Variants in OGFR observed in about 807,000 individuals in gnomAD.
OGFR encodes opioid growth factor receptor.
OGFR carries 18 observed loss-of-function variants against 33.6 expected under a neutral mutation model. The ratio of observed to expected loss-of-function variants is 0.54; its 90% CI spans 0.37 to 0.80. The LOEUF (loss-of-function observed/expected upper bound fraction) is 0.80, where lower values mean the gene tolerates loss of function less well. Ranked by LOEUF, OGFR falls within the 30% of genes least tolerant of loss-of-function variation. The probability of loss-of-function intolerance (pLI) is 0.00; values close to 1 mark genes in which losing one functional copy is unlikely to be tolerated. For synonymous variants in OGFR, 370 were observed against 400.7 expected (o/e 0.92, Z 0.91); for missense variants, 877 against 955.8 (o/e 0.92, Z 1.09).
Position 62,811,626 on chromosome 20 carries a change from T to TGGGGCCCCCCCCCC in OGFR, c.614+16_614+17insGGGGCCCCCCCCCC. ...ACCTGAACTGGTGAGGCCCGGCTGC[T>TGGGGCCCCCCCCCC]CCCGCCCACCCCCACCCCGGCGCAG... On this transcript the variant is annotated intron_variant, in intron 6 of 6. Coordinates refer to ENST00000290291, the MANE Select transcript of OGFR (RefSeq NM_007346.4). The TGGGGCCCCCCCCCC allele has an allele frequency of 6.7e-7, 1 of 1,502,528 alleles. No homozygotes were observed. 93.1% of individuals were successfully genotyped at this position (1,502,528 alleles called of 1,614,324 possible). A position where few individuals can be genotyped will look rare whatever the true frequency, so the allele number is the denominator to read the frequency against.
In OGFR at chr20:62,812,160, G is replaced by T. The variant is rs1990741377; in HGVS notation, c.615-70G>T. 3 of 1,369,598 alleles carry T rather than the reference G, an allele frequency of 2.2e-6. No individual in the cohort carries two copies. The Middle Eastern group carries it at 5.7e-4, about 260-fold the overall frequency. The allele number at this position is 1,369,598 out of a possible 1,614,324, so 84.8% of individuals were successfully genotyped here. A position where few individuals can be genotyped will look rare whatever the true frequency, so the allele number is the denominator to read the frequency against. On this transcript the variant is annotated intron_variant, in intron 6 of 6. Coordinates refer to ENST00000290291, the MANE Select transcript of OGFR (RefSeq NM_007346.4). ...CTCGTGGAGCCGGGTGGGAGGGCAG[G>T]CCAGGGCGGGGTGCGGCCCAGCAGG...
At position 62,804,907 on chromosome 20, in the gene OGFR, T is replaced by TGCGGAGGAC. The variant is rs777200579; in HGVS notation, c.59_67dup (p.Ala20_Asp22dup). 24 of 1,494,384 alleles carry TGCGGAGGAC rather than the reference T, an allele frequency of 1.6e-5. No individual in the cohort carries two copies. Among genetic ancestry groups the TGCGGAGGAC allele is most frequent in the East Asian group, 5.9e-5 (2 of 33,622 alleles). 92.6% of individuals were successfully genotyped at this position (1,494,384 alleles called of 1,614,324 possible). On this transcript the variant is annotated inframe_insertion, in exon 1 of 7. Transcript: ENST00000290291. ...CCACCTGGGAGGAGGACGAGGAGGA[T>TGCGGAGGAC]GCGGAGGACGCGGAGGACGAGGACT...
chr20:62,810,637 GGGGT>G, intron 5 of OGFR, 72 bp downstream of exon 5: 2 of 1,473,946 alleles, frequency 1.4e-6, no homozygotes, highest in Non-Finnish European at 1.9e-6. Context: ...CTGCAGAGAC[GGGGT>G]CGCCTCTGGC....
chr20:62,811,615 G>A lies in OGFR; in HGVS notation c.614+5G>A. The stretch of plus-strand genomic sequence containing the variant: ...GCGCTTCCAGAACCTGAACTGGTGA[G>A]GCCCGGCTGCTCCCGCCCACCCCCA... On this transcript the variant is annotated splice_donor_5th_base_variant and intron_variant, in intron 6 of 6. Coordinates refer to ENST00000290291, the MANE Select transcript of OGFR (RefSeq NM_007346.4). 1 of 1,565,902 alleles carries A rather than the reference G, an allele frequency of 6.4e-7. No individual in the cohort carries two copies.
At position 62,813,588 on chromosome 20, in the gene OGFR, G is replaced by T; in HGVS notation, c.1973G>T (p.Gly658Val). 1 of 1,612,870 alleles carries T rather than the reference G, an allele frequency of 6.2e-7. No individual in the cohort carries two copies. The highest frequency in any genetic ancestry group is 8.5e-7 in the Non-Finnish European group (1 of 1,179,958). Residue 658 changes from glycine to valine, a missense_variant, in exon 7 of 7, where the codon GGG becomes GTG. Physicochemically the swap from Gly to Val is moderately radical, Grantham distance 109. This residue lies in a region of OGFR where 45 missense variants were observed against 38.0 expected (regional missense o/e 1.19). Coordinates refer to ENST00000290291, the MANE Select transcript of OGFR (RefSeq NM_007346.4). ...GPTRDEPAKA[G>V]EAAELQDAEV... ...ACAAGGGATGAGCCAGCCAAGGCGG[G>T]GGAGGCAGCAGAGTTGCAGGACGCA...
chr20:62,808,800 T>C (rs902741673), intron 3 of OGFR, among the ~76,000 whole-genome samples: 11 of 151,902 alleles, frequency 7.2e-5, no homozygotes, highest in East Asian at 1.9e-4. Context: ...GGTGAAACCC[T>C]GTCTCTACTA....
At position 62,810,505 on chromosome 20, in the gene OGFR, T is replaced by G; in HGVS notation, c.405T>G (p.Phe135Leu). Reference sequence around the variant, plus strand: ...AGCATCTCTTCTCCTGCAGGCTGTTTCCTCTGCGAGAACCAGGAGTGAACT... The same window carrying G: ...AGCATCTCTTCTCCTGCAGGCTGTTGCCTCTGCGAGAACCAGGAGTGAACT... ...EDNHSYIQWL[F>L]PLREPGVNWH... The change falls in exon 5 of 7, where the codon TTT becomes TTG. Residue 135 changes from phenylalanine to leucine, a missense_variant. Around this residue, in one of 3 missense-constraint regions of OGFR, gnomAD observed 760 missense variants for 736.0 expected, o/e 1.03. Coordinates refer to ENST00000290291, the MANE Select transcript of OGFR (RefSeq NM_007346.4). The G allele has an allele frequency of 6.2e-7, 1 of 1,613,286 alleles. No homozygotes were observed. The highest frequency in any genetic ancestry group is 1.7e-5 in the Admixed American group (1 of 60,012).
In OGFR at chr20:62,808,453, C is replaced by G. The variant is rs1990647029; in HGVS notation, c.319+128C>G. On this transcript the variant is annotated intron_variant, in intron 3 of 6. Coordinates refer to ENST00000290291, the MANE Select transcript of OGFR (RefSeq NM_007346.4). ...ACGGCTTTCAAATAGCCCCACAGTGCCCCCTGGAGGCGGCCAGAGGGACTC... is the reference window on the plus strand; with the variant it reads ...ACGGCTTTCAAATAGCCCCACAGTGGCCCCTGGAGGCGGCCAGAGGGACTC... 4.1e-5 allele frequency: 29 copies of G among 701,082 alleles called. No individual in the cohort carries two copies. The East Asian group carries it at 7.6e-4, about 18-fold the overall frequency. The allele number at this position is 701,082 out of a possible 1,614,324, so 43.4% of individuals were successfully genotyped here. A position where few individuals can be genotyped will look rare whatever the true frequency, so the allele number is the denominator to read the frequency against.
chr20:62,812,593 G>A lies in OGFR; in HGVS notation c.978G>A (p.Gln326=). The A allele has an allele frequency of 2.5e-6, 4 of 1,569,758 alleles. No homozygotes were observed. Among genetic ancestry groups the A allele is most frequent in the Non-Finnish European group, 3.5e-6 (4 of 1,157,940 alleles). ...ACCCCGACCACGAGGCCAGCACCCA[G>A]GGTCGGACCTGTGGGCCAGAGCATA... ...PGDPDHEAST[Q]GRTCGPEHSK... The change falls in exon 7 of 7, where the codon CAG becomes CAA. Residue 326 remains glutamine (Q), a synonymous_variant. Transcript: ENST00000290291.
At chr20:62,808,111 G>A in intron 2 of OGFR, 136 bp from the exon 3 acceptor site, 2 of 764,828 alleles carry the variant, frequency 2.6e-6, no homozygotes, top group East Asian at 2.5e-5. Flanking sequence ...CACCTGCAGA[G>A]TGAGGAGCCA....
At position 62,811,602 on chromosome 20, in the gene OGFR, C is replaced by T; in HGVS notation, c.606C>T (p.Asn202=). Reference sequence around the variant, plus strand: ...AGAACTACCAGAAGCGCTTCCAGAACCTGAACTGGTGAGGCCCGGCTGCTC... The same window carrying T: ...AGAACTACCAGAAGCGCTTCCAGAATCTGAACTGGTGAGGCCCGGCTGCTC... ...RAQNYQKRFQ[N]LNWRSHNNLR... Residue 202 remains asparagine, a synonymous_variant, in exon 6 of 7, where the codon AAC becomes AAT. Coordinates refer to ENST00000290291, the MANE Select transcript of OGFR (RefSeq NM_007346.4). 6.3e-7 allele frequency: 1 copy of T among 1,586,132 alleles called. No homozygotes were observed. Among genetic ancestry groups the T allele is most frequent in the Non-Finnish European group, 8.6e-7 (1 of 1,167,070 alleles).
In OGFR at chr20:62,813,811, C is replaced by T. The variant is rs1024178989; in HGVS notation, c.*162C>T. 30 of 815,040 alleles carry T rather than the reference C, an allele frequency of 3.7e-5. No homozygotes were observed. Among genetic ancestry groups the T allele is most frequent in the Middle Eastern group, 3.6e-4 (1 of 2,764 alleles). The allele number at this position is 815,040 out of a possible 1,614,324, so 50.5% of individuals were successfully genotyped here. A position where few individuals can be genotyped will look rare whatever the true frequency, so the allele number is the denominator to read the frequency against. On this transcript the variant is annotated 3_prime_UTR_variant, in exon 7 of 7. Transcript: ENST00000290291. ...GGCCACTATAGCAGCCACCAGAAGC[C>T]GCGAGGCCCTCAGGGAAGCCCAAGG...
chr20:62,813,902 G>C lies in OGFR; in HGVS notation c.*253G>C, dbSNP rs1401577280. 1.7e-6 allele frequency: 1 copy of C among 583,578 alleles called. No individual in the cohort carries two copies. Among genetic ancestry groups the C allele is most frequent in the Non-Finnish European group, 3.0e-6 (1 of 329,060 alleles). The allele number at this position is 583,578 out of a possible 1,614,324, so 36.1% of individuals were successfully genotyped here. On this transcript the variant is annotated 3_prime_UTR_variant, in exon 7 of 7. Transcript: ENST00000290291. ...AGCTCTCCCCTGCGCCCCTGTCTTT[G>C]TAAATTGACCCTTCTGGAGTGGGGG...
rs547702084 is a variant in OGFR, at chr20:62,811,881, G to A, written c.614+271G>A. Among the ~76,000 whole-genome samples, 7 of 152,302 alleles carry A rather than the reference G, an allele frequency of 4.6e-5. No homozygotes were observed. The South Asian group carries it at 1.2e-3, about 27-fold the overall frequency. On this transcript the variant is annotated intron_variant, in intron 6 of 6. Transcript: ENST00000290291. The stretch of plus-strand genomic sequence containing the variant: ...CAGGGGTGATGGAGAACCTGCAGGC[G>A]GTACAGCCAGTTCTCACAGGGTGTT...
In OGFR at chr20:62,812,714, G is replaced by A. The variant is rs1162815681; in HGVS notation, c.1099G>A (p.Gly367Arg). 6.3e-7 allele frequency: 1 copy of A among 1,589,470 alleles called. No individual in the cohort carries two copies. Among genetic ancestry groups the A allele is most frequent in the Non-Finnish European group, 8.6e-7 (1 of 1,168,428 alleles). Reference sequence around the variant, plus strand: ...GGAGAGGAGCCAGGGGGATGAGGCAGGGGGCCACGGGGAAGATAGGCCGGA... The same window carrying A: ...GGAGAGGAGCCAGGGGGATGAGGCAAGGGGCCACGGGGAAGATAGGCCGGA... ...PLERSQGDEA[G>R]GHGEDRPEPL... The change falls in exon 7 of 7, where the codon GGG (glycine) becomes AGG (arginine). Residue 367 changes from glycine (G) to arginine (R), a missense_variant. By Grantham distance (125) the Gly-to-Arg change is moderately radical. This residue lies in a region of OGFR where 760 missense variants were observed against 736.0 expected (regional missense o/e 1.03). Coordinates refer to ENST00000290291, the MANE Select transcript of OGFR (RefSeq NM_007346.4).
chr20:62,809,314 AG>A (rs1356626327), intron 3 of OGFR, among the ~76,000 whole-genome samples: 3 of 152,128 alleles, frequency 2.0e-5, no homozygotes, highest in African/African-American at 7.2e-5. Context: ...GTTCCCCCAG[AG>A]GGACCTTCCG....
Position 62,812,355 on chromosome 20 carries a change from C to CG in OGFR, c.745dup (p.Val249GlyfsTer87). On this transcript the variant is annotated frameshift_variant, in exon 7 of 7. Transcript: ENST00000290291. LOFTEE classifies it low-confidence loss of function (END_TRUNC). ...GAGACGCTGGTGCGGCGGGAGCTGCCGGGGGTGCGGCAGAGTGCCCTGGAC... is the reference window on the plus strand; with the variant it reads ...GAGACGCTGGTGCGGCGGGAGCTGCCGGGGGGTGCGGCAGAGTGCCCTGGAC... The CG allele has an allele frequency of 3.2e-6, 5 of 1,560,486 alleles. No individual in the cohort carries two copies. The highest frequency in any genetic ancestry group is 3.5e-6 in the Non-Finnish European group (4 of 1,153,062).
Position 62,813,166 on chromosome 20 carries a change from C to A in OGFR, c.1551C>A (p.Ser517Arg), listed in dbSNP as rs1382569075. 1.3e-6 allele frequency: 2 copies of A among 1,526,740 alleles called. No homozygotes were observed. Among genetic ancestry groups the A allele is most frequent in the Non-Finnish European group, 1.8e-6 (2 of 1,118,222 alleles). The allele number at this position is 1,526,740 out of a possible 1,614,324, so 94.6% of individuals were successfully genotyped here. A position where few individuals can be genotyped will look rare whatever the true frequency, so the allele number is the denominator to read the frequency against. ...RTGPKEGTPG[S>R]PSETPGPSPA... is the part of the protein sequence containing the mutation. ...GGCCCAAAGAAGGTACCCCTGGGAG[C>A]CCATCGGAGACCCCAGGCCCCAGCC... The change falls in exon 7 of 7, where the codon AGC (serine) becomes AGA (arginine). Residue 517 changes from serine to arginine, a missense_variant. Ser to Arg is a moderately radical substitution (Grantham distance 110). Coordinates refer to ENST00000290291, the MANE Select transcript of OGFR (RefSeq NM_007346.4).
rs1206656808 is a variant in OGFR at position 62,813,351 on chromosome 20, C to T, written c.1736C>T (p.Ser579Leu). The T allele has an allele frequency of 2.0e-6, 3 of 1,533,598 alleles. No homozygotes were observed. Among genetic ancestry groups the T allele is most frequent in the South Asian group, 1.2e-5 (1 of 84,042 alleles). The allele number at this position is 1,533,598 out of a possible 1,614,324, so 95.0% of individuals were successfully genotyped here. A position where few individuals can be genotyped will look rare whatever the true frequency, so the allele number is the denominator to read the frequency against. The change falls in exon 7 of 7, where the codon TCG (serine) becomes TTG (leucine). Residue 579 changes from serine (S) to leucine (L), a missense_variant. Ser to Leu is a moderately radical substitution (Grantham distance 145, BLOSUM62 -2). Coordinates refer to ENST00000290291, the MANE Select transcript of OGFR (RefSeq NM_007346.4). ...PAGDEPAESP[S>L]ETPGPSPAGP... The stretch of plus-strand genomic sequence containing the variant: ...GGGGACGAGCCAGCCGAGAGCCCAT[C>T]GGAGACCCCAGGCCCCAGCCCGGCA...
Sources: allele counts gnomAD v4.1 joint callset (sites outside exome capture counted in the v4.1 genomes callset), GRCh38; gene constraint gnomAD v4.1.1; regional missense constraint gnomAD v4.1.1; transcripts MANE v1.5; gene names NCBI Gene and HGNC (gene_info 2026-07-23, HGNC 2026-07-21).